CLSPN: variants seen among roughly 807,000 people sequenced by gnomAD.
CLSPN encodes claspin, also known as claspin homolog.
In CLSPN, 85 loss-of-function variants were observed where a neutral mutation model predicts 156.3. That is an observed-to-expected ratio of 0.54 (90% confidence interval 0.46 to 0.65). CLSPN has a LOEUF of 0.65. Ranked by LOEUF, CLSPN falls within the 30% of genes least tolerant of loss-of-function variation. The pLI, the probability that CLSPN is intolerant of heterozygous loss-of-function variation, is 0.00. For missense variants in CLSPN, 1,407 were observed against 1,554.9 expected, an observed-to-expected ratio of 0.90 and a Z score of 1.60; for synonymous variants, 534 against 542.4, an observed-to-expected ratio of 0.98 and a Z score of 0.22.
In CLSPN at chr1:35,737,024, C is replaced by T; in HGVS notation, c.3799G>A (p.Ala1267Thr). 6.2e-7 allele frequency: 1 copy of T among 1,614,118 alleles called. No homozygotes were observed. The highest frequency in any genetic ancestry group is 1.1e-5 in the South Asian group (1 of 91,082). Residue 1267 changes from alanine to threonine, a missense_variant, in exon 24 of 25, where the codon GCT (alanine) becomes ACT (threonine). Coordinates refer to ENST00000318121, the MANE Select transcript of CLSPN (RefSeq NM_022111.4). ...CTGGGGTTATGGTCAGAGAGAGCAG[C>T]CAGTTTCTGAAGCACAGCTTTGGGC... ...NQPKAVLQKL[A>T]ALSDHNPSAP...
At chr1:35,750,044 T>C (rs1188759901) in intron 10 of CLSPN, among the ~76,000 whole-genome samples, 1 of 152,028 alleles carries the variant, frequency 6.6e-6, no homozygotes, top group Non-Finnish European at 1.5e-5. Flanking sequence ...GCTAAGATTA[T>C]AAAGGACGAC....
chr1:35,725,171 A>G (rs1641148844), intron 24 of CLSPN, among the ~76,000 whole-genome samples: 1 of 152,174 alleles, frequency 6.6e-6, no homozygotes. Context: ...GCACAGCTGC[A>G]AATCCACTGC....
At chr1:35,720,438 C>T (rs1161765029) in exon 25 of CLSPN, 1 of 141,878 alleles carries the variant, frequency 7.0e-6, no homozygotes, top group Non-Finnish European at 1.5e-5. Flanking sequence ...GACCCAAATC[C>T]TCACTTTTTT....
chr1:35,758,221 G>T (rs1179822988), intron 8 of CLSPN, among the ~76,000 whole-genome samples: 1 of 151,654 alleles, frequency 6.6e-6, no homozygotes, highest in Non-Finnish European at 1.5e-5. Context: ...TCCCAGACTG[G>T]AGTGCAGGAG....
chr1:35,721,060 T>C (rs1641063010), intron 24 of CLSPN: 2 of 962,464 alleles, frequency 2.1e-6, no homozygotes, highest in Non-Finnish European at 3.2e-6. Flanking sequence ...AGACCCTGTT[T>C]CCTGCATCTA....
rs562040201 is a variant in CLSPN at position 35,733,602 on chromosome 1, CAAAG to C, written c.*2890_*2893del. 1,848 of 985,304 alleles carry C rather than the reference CAAAG, an allele frequency of 1.9e-3. 24 individuals are homozygous for C. The African/African-American group carries it at 0.026, about 14-fold the overall frequency. The allele number at this position is 985,304 out of a possible 1,614,324, so 61.0% of individuals were successfully genotyped here. A position where few individuals can be genotyped will look rare whatever the true frequency, so the allele number is the denominator to read the frequency against. On this transcript the variant is annotated 3_prime_UTR_variant, in exon 25 of 25. Transcript: ENST00000318121. ...TGCCTTGGGAACTGTTTAGAGAGTT[CAAAG>C]AAAGAGGCAAAAACATGTATCTTGA... is the stretch of plus-strand genomic sequence containing the variant.
chr1:35,740,364 G>T (rs977604943), intron 18 of CLSPN, among the ~76,000 whole-genome samples: 1 of 151,986 alleles, frequency 6.6e-6, no homozygotes, highest in Non-Finnish European at 1.5e-5. Flanking sequence ...CAAAATGGCA[G>T]AAGTTTGGTG....
intron 24 of CLSPN, among the ~76,000 whole-genome samples, chr1:35,724,012 G>T (rs898530617): frequency 1.3e-5 from 2 of 152,140 alleles, no homozygotes; most frequent in African/African-American, 4.8e-5. Context: ...ATAGACAGAA[G>T]AGTGGGCTAT....
chr1:35,739,093 T>G (rs750811059), intron 20 of CLSPN, 43 bp downstream of exon 20: 1 of 1,612,124 alleles, frequency 6.2e-7, no homozygotes, highest in South Asian at 1.1e-5. Flanking sequence ...GCCACCATGC[T>G]CAGCCCGTAA....
At chr1:35,728,922 AC>A (rs1641253121), downstream of CLSPN, among the ~76,000 whole-genome samples, 4 of 1,656 alleles carry the variant, frequency 2.4e-3, no homozygotes, top group African/African-American at 6.1e-3. Flanking sequence ...CTCCCCTCAA[AC>A]ACACACACAC....
At chr1:35,720,756 C>T in exon 25 of CLSPN, 1 of 582,796 alleles carries the variant, frequency 1.7e-6, no homozygotes, top group Non-Finnish European at 3.0e-6. Context: ...CAAATCCTCA[C>T]TCCTAAAGGC....
chr1:35,742,036 C>A (rs1014895647), intron 18 of CLSPN, among the ~76,000 whole-genome samples: 18 of 138,234 alleles, frequency 1.3e-4, no homozygotes, highest in African/African-American at 4.3e-4. Flanking sequence ...TAATCCCAGA[C>A]TTTGGGAAGC....
intron 4 of CLSPN, among the ~76,000 whole-genome samples, chr1:35,762,778 G>T (rs766702627): frequency 1.2e-4 from 18 of 151,934 alleles, no homozygotes; most frequent in Non-Finnish European, 4.4e-5. Flanking sequence ...CCAAACACTC[G>T]GGACAACAAT....
chr1:35,745,785 A>G (rs1393958175), intron 15 of CLSPN, among the ~76,000 whole-genome samples: 1 of 152,232 alleles, frequency 6.6e-6, no homozygotes, highest in Non-Finnish European at 1.5e-5. Flanking sequence ...CCCAGGTCTC[A>G]TAGAGCTTAT....
intron 24 of CLSPN, among the ~76,000 whole-genome samples, chr1:35,722,061 C>T (rs1340483093): frequency 6.6e-6 from 1 of 151,612 alleles, no homozygotes; most frequent in Admixed American, 6.6e-5. Context: ...ATCGCTTGAA[C>T]CCAAGAGGCA....
chr1:35,765,980 T>TTC (rs199934119), intron 1 of CLSPN, among the ~76,000 whole-genome samples: 1,582 of 120,158 alleles, frequency 0.013, 720 homozygotes, highest in Middle Eastern at 0.066. Context: ...GGTGGTTTCT[T>TTC]TCTCTCTCTC....
At position 35,743,517 on chromosome 1, in the gene CLSPN, C is replaced by T. The variant is rs770484489; in HGVS notation, c.2980G>A (p.Glu994Lys). The change falls in exon 17 of 25, where the codon GAG becomes AAG. Residue 994 changes from glutamate to lysine, a missense_variant. Physicochemically the swap from Glu to Lys is moderately conservative, Grantham distance 56 (BLOSUM62 1). Around this residue, in one of 3 missense-constraint regions of CLSPN, gnomAD observed 1,096 missense variants for 1,193.0 expected, o/e 0.92. Transcript: ENST00000318121. Reference sequence around the variant, plus strand: ...CGAAAGTCTCCAAATTCCTCCTCCTCGTCTTCCTCTTCCCTAAAATGTAAA... The same window carrying T: ...CGAAAGTCTCCAAATTCCTCCTCCTTGTCTTCCTCTTCCCTAAAATGTAAA... ...SFPTDKEEED[E>K]EEEFGDFRLV... The T allele has an allele frequency of 1.9e-5, 31 of 1,612,896 alleles. No homozygotes were observed. The highest frequency in any genetic ancestry group is 5.5e-5 in the South Asian group (5 of 91,056).
Position 35,746,945 on chromosome 1 carries a change from G to A in CLSPN, c.2675C>T (p.Pro892Leu). The A allele has an allele frequency of 6.2e-7, 1 of 1,614,108 alleles. No homozygotes were observed. The highest frequency in any genetic ancestry group is 8.5e-7 in the Non-Finnish European group (1 of 1,180,012). The change falls in exon 15 of 25, where the codon CCT becomes CTT. Residue 892 changes from proline to leucine, a missense_variant. Coordinates refer to ENST00000318121, the MANE Select transcript of CLSPN (RefSeq NM_022111.4). This position sits in a 1 kb window ranked among gnomAD's most constrained non-coding sequence, Gnocchi z 4.2. ...NHRNQYQALK[P>L]RLPLASMDEN... ...ATCCATACTGGCCAATGGCAATCGAGGCTTCAAAGCTTGGTACTGATTCCT... is the reference window on the plus strand; with the variant it reads ...ATCCATACTGGCCAATGGCAATCGAAGCTTCAAAGCTTGGTACTGATTCCT...
rs1641472275 is a variant in CLSPN at position 35,736,379 on chromosome 1, C to T, written c.*117G>A. On this transcript the variant is annotated 3_prime_UTR_variant, in exon 25 of 25. Coordinates refer to ENST00000318121, the MANE Select transcript of CLSPN (RefSeq NM_022111.4). ...AATCACTGGAATTTCTGTCTGCAAT[C>T]TTATTGCATTGATTATGAAAGAAGG... 7.0e-7 allele frequency: 1 copy of T among 1,426,428 alleles called. No homozygotes were observed. Among genetic ancestry groups the T allele is most frequent in the African/African-American group, 1.4e-5 (1 of 69,452 alleles). The allele number at this position is 1,426,428 out of a possible 1,614,324, so 88.4% of individuals were successfully genotyped here.
Sources: gnomAD v4.1 joint callset for allele counts (sites outside exome capture counted in the v4.1 genomes callset) on GRCh38, gnomAD v4.1.1 for gene constraint, gnomAD v4.1.1 regional missense constraint, Gnocchi (gnomAD v3.1) non-coding constraint, MANE v1.5 for transcripts, NCBI Gene and HGNC (gene_info 2026-07-23, HGNC 2026-07-21) for gene names.